The following GRIN2B variants were observed in gnomAD, a reference collection of about 807,000 sequenced individuals.
GRIN2B encodes the protein glutamate receptor ionotropic, NMDA 2B.
In GRIN2B, 5 loss-of-function variants were observed where a neutral mutation model predicts 114.5. The observed-to-expected ratio is 0.04, with a 90% confidence interval of 0.02 to 0.09. The LOEUF (loss-of-function observed/expected upper bound fraction) is 0.09, where lower values mean the gene tolerates loss of function less well. Among genes scored for constraint, GRIN2B ranks in the 10% least tolerant of loss-of-function variants. GRIN2B has a pLI of 1.00. For missense variants in GRIN2B, 1,108 were observed against 1,943.5 expected, an observed-to-expected ratio of 0.57 and a Z score of 8.08; for synonymous variants, 787 against 745.1, an observed-to-expected ratio of 1.06 and a Z score of -0.92.
Position 13,943,789 on chromosome 12 carries a change from C to T in GRIN2B, c.-19+36139G>A, listed in dbSNP as rs2136839227. The stretch of plus-strand genomic sequence containing the variant: ...AACAGAAATTTCCGTCACTGTCTAG[C>T]CCCTCACCTATAGTCCATTTTATTC... On this transcript the variant is annotated intron_variant, in intron 2 of 13. Transcript: ENST00000609686. Among the ~76,000 whole-genome samples the T allele has an allele frequency of 1.3e-5, 2 of 152,268 alleles. 1 individual carries two copies. The highest frequency in any genetic ancestry group is 4.1e-4 in the South Asian group (2 of 4,828).
Position 13,866,113 on chromosome 12 carries a change from G to T in GRIN2B, c.96C>A (p.Pro32=), listed in dbSNP as rs374173060. ...GGATGACAGCAATGCCAATGCTGGGGGGGCTCTTCTGAGAACGAGCTCTGC... is the reference window on the plus strand; with the variant it reads ...GGATGACAGCAATGCCAATGCTGGGTGGGCTCTTCTGAGAACGAGCTCTGC... ...SGSRARSQKS[P]PSIGIAVILV... is the part of the protein sequence containing the mutation. The change falls in exon 3 of 14, where the codon CCC becomes CCA. Residue 32 remains proline (P), a synonymous_variant. Coordinates refer to ENST00000609686, the MANE Select transcript of GRIN2B (RefSeq NM_000834.5). The T allele has an allele frequency of 3.7e-6, 6 of 1,613,716 alleles. No homozygotes were observed. In the African/African-American group the frequency reaches 8.0e-5, roughly 22 times the overall value.
chr12:13,789,043 T>G (rs1468078026), intron 3 of GRIN2B, among the ~76,000 whole-genome samples: 1 of 151,534 alleles, frequency 6.6e-6, no homozygotes, highest in African/African-American at 2.4e-5. Context: ...TGGAGCTTCT[T>G]GCCAAAGGCT....
intron 2 of GRIN2B, among the ~76,000 whole-genome samples, chr12:13,934,558 G>GCTT (rs1342184662): frequency 1.3e-5 from 2 of 152,176 alleles, no homozygotes; most frequent in African/African-American, 4.8e-5. Context: ...ATTCCACAGT[G>GCTT]CTTCTCCGTT....
At chr12:13,665,161 GTGTGTT>G (rs1412998334) in intron 5 of GRIN2B, among the ~76,000 whole-genome samples, 1 of 23,760 alleles carries the variant, frequency 4.2e-5, no homozygotes, top group African/African-American at 8.9e-5. Flanking sequence ...GTGTGTGTGT[GTGTGTT>G]TGTGTGTGTG....
At chr12:13,642,302 T>C (rs1393093201) in intron 5 of GRIN2B, among the ~76,000 whole-genome samples, 3 of 152,154 alleles carry the variant, frequency 2.0e-5, no homozygotes, top group Non-Finnish European at 2.9e-5. Context: ...TCAGTACCTA[T>C]TTTCACCATT....
intron 4 of GRIN2B, among the ~76,000 whole-genome samples, chr12:13,720,159 C>T (rs1346064200): frequency 6.6e-6 from 1 of 151,980 alleles, no homozygotes. Flanking sequence ...AAAAAATAAG[C>T]TTCTCATGTG....
chr12:13,565,490 A>G (rs1453257554), intron 13 of GRIN2B, among the ~76,000 whole-genome samples: 2 of 152,172 alleles, frequency 1.3e-5, no homozygotes, highest in Admixed American at 6.5e-5. Context: ...CTCCCTGTGT[A>G]CAGCTCTTTG....
intron 2 of GRIN2B, among the ~76,000 whole-genome samples, chr12:13,884,809 G>A (rs139452955): frequency 6.6e-6 from 1 of 152,166 alleles, no homozygotes; most frequent in Non-Finnish European, 1.5e-5. Context: ...ATGAATATGT[G>A]TGTGTATATA....
intron 3 of GRIN2B, among the ~76,000 whole-genome samples, chr12:13,787,436 C>G (rs1157316889): frequency 6.6e-6 from 1 of 152,172 alleles, no homozygotes; most frequent in African/African-American, 2.4e-5. Flanking sequence ...CCAGAAACAT[C>G]TGCATTATTT....
At chr12:13,935,932 A>T (rs1356712809) in intron 2 of GRIN2B, among the ~76,000 whole-genome samples, 1 of 152,196 alleles carries the variant, frequency 6.6e-6, no homozygotes, top group African/African-American at 2.4e-5. Flanking sequence ...GCCCATAATC[A>T]TCCTGGCTTT....
intron 10 of GRIN2B, among the ~76,000 whole-genome samples, chr12:13,582,245 AATAATTATTGTT>A (rs1253252698): frequency 6.6e-6 from 1 of 152,238 alleles, no homozygotes; most frequent in Non-Finnish European, 1.5e-5. Context: ...AAGAGGAATA[AATAATTATTGTT>A]ATATTTCATT....
At position 13,615,454 on chromosome 12, in the gene GRIN2B, A is replaced by G. The variant is rs1417594955; in HGVS notation, c.1500+39T>C. On this transcript the variant is annotated intron_variant, in intron 7 of 13. Transcript: ENST00000609686. This position sits in a 1 kb window ranked among gnomAD's most constrained non-coding sequence, Gnocchi z 5.8. The stretch of plus-strand genomic sequence containing the variant: ...CTTATATTTAGAAGAAGGAAAATAA[A>G]TGAAAATGGAAATGGAAACAGCCCT... The G allele has an allele frequency of 2.6e-6, 4 of 1,565,700 alleles. No homozygotes were observed. The Middle Eastern group carries it at 5.0e-4, about 197-fold the overall frequency.
intron 3 of GRIN2B, among the ~76,000 whole-genome samples, chr12:13,788,471 T>C (rs1864257887): frequency 6.6e-6 from 1 of 152,158 alleles, no homozygotes; most frequent in Non-Finnish European, 1.5e-5. Flanking sequence ...TTACCAAGCA[T>C]TTGCTAGAAC....
At chr12:13,916,588 C>T (rs1424915105) in intron 2 of GRIN2B, among the ~76,000 whole-genome samples, 1 of 152,016 alleles carries the variant, frequency 6.6e-6, no homozygotes, top group Non-Finnish European at 1.5e-5. Context: ...GTGGCTCACG[C>T]CTATAATTCC....
At chr12:13,746,047 AT>A (rs1863376979) in intron 4 of GRIN2B, among the ~76,000 whole-genome samples, 2 of 151,772 alleles carry the variant, frequency 1.3e-5, no homozygotes, top group African/African-American at 4.9e-5. Flanking sequence ...TTTAAATATA[AT>A]TTATACAGTA....
chr12:13,926,022 G>A (rs2136818288), intron 2 of GRIN2B, among the ~76,000 whole-genome samples: 1 of 152,264 alleles, frequency 6.6e-6, no homozygotes, highest in East Asian at 1.9e-4. Flanking sequence ...AGGAGGCAAT[G>A]GAACGGGGCA....
chr12:13,657,055 A>T (rs1365274839), intron 5 of GRIN2B, among the ~76,000 whole-genome samples: 1 of 152,182 alleles, frequency 6.6e-6, no homozygotes, highest in East Asian at 1.9e-4. Context: ...TGAGTCACAC[A>T]GCATGGGATT....
intron 2 of GRIN2B, among the ~76,000 whole-genome samples, chr12:13,959,394 T>C (rs1867652118): frequency 6.6e-6 from 1 of 152,144 alleles, no homozygotes; most frequent in Non-Finnish European, 1.5e-5. Flanking sequence ...GGGAATTTCC[T>C]TTTGCTAATA....
intron 4 of GRIN2B, among the ~76,000 whole-genome samples, chr12:13,747,776 G>T: frequency 6.6e-6 from 1 of 152,204 alleles, no homozygotes; most frequent in East Asian, 1.9e-4. Flanking sequence ...ATCTGCCTGT[G>T]CTGGCACTCA....
Sources: allele counts gnomAD v4.1 joint callset (sites outside exome capture counted in the v4.1 genomes callset), GRCh38; gene constraint gnomAD v4.1.1; non-coding constraint Gnocchi (gnomAD v3.1); transcripts MANE v1.5; gene names NCBI Gene and HGNC (gene_info 2026-07-23, HGNC 2026-07-21).